The following LATS2 variants were observed in gnomAD, a reference collection of about 807,000 sequenced individuals.
The protein encoded by LATS2 is large tumor suppressor kinase 2, also known as serine/threonine-protein kinase LATS2.
Under a neutral mutation model 76.0 loss-of-function variants are expected in LATS2, and 24 were observed. The observed-to-expected ratio is 0.32, with a 90% CI of 0.23 to 0.44. The LOEUF is 0.44. Among genes scored for constraint, LATS2 ranks in the 20% least tolerant of loss-of-function variants. The pLI is 1.00. For missense variants in LATS2, 1,286 were observed against 1,481.2 expected, an observed-to-expected ratio of 0.87 and a Z score of 2.16; for synonymous variants, 692 against 635.4, an observed-to-expected ratio of 1.09 and a Z score of -1.34.
chr13:21,045,332 G>A (rs1228701065), intron 2 of LATS2, among the ~76,000 whole-genome samples: 1 of 151,850 alleles, frequency 6.6e-6, no homozygotes, highest in African/African-American at 2.4e-5. Context: ...CTCTTTCCAC[G>A]ATAGCTCAGA....
intron 2 of LATS2, among the ~76,000 whole-genome samples, chr13:21,034,157 A>G (rs1304102266): frequency 1.3e-5 from 2 of 152,220 alleles, no homozygotes; most frequent in African/African-American, 4.8e-5. Context: ...CTTTCTGGTC[A>G]GCGGGAAAAC....
In LATS2 at chr13:20,983,507, G is replaced by A. The variant is rs745587830; in HGVS notation, c.2199C>T (p.Tyr733=). ...ADNEWVVKLY[Y]SFQDKDSLYF... ...ACAGGCTGTCTTTGTCTTGGAAGGA[G>A]TAGTAGAGTTTGACCACCCACTCAT... is the stretch of plus-strand genomic sequence containing the variant. The change falls in exon 5 of 8, where the codon TAC becomes TAT. Residue 733 remains tyrosine, a synonymous_variant. Coordinates refer to ENST00000382592, the MANE Select transcript of LATS2 (RefSeq NM_014572.3). The A allele has an allele frequency of 2.5e-6, 4 of 1,614,152 alleles. No individual in the cohort carries two copies. The Admixed American group carries it at 6.7e-5, about 27-fold the overall frequency.
rs1013530293 is a variant in LATS2 at position 21,028,795 on chromosome 13, C to T, written c.342+16890G>A. ...ATGTTGGCCAGGATGATCTCGATCT[C>T]TTGACCTTGTGATCCACCCGCCTTG... is the stretch of plus-strand genomic sequence containing the variant. On this transcript the variant is annotated intron_variant, in intron 2 of 7. Coordinates refer to ENST00000382592, the MANE Select transcript of LATS2 (RefSeq NM_014572.3). Among the ~76,000 whole-genome samples the T allele has an allele frequency of 2.0e-5, 3 of 152,168 alleles. No homozygotes were observed. The East Asian group carries it at 5.8e-4, about 29-fold the overall frequency.
chr13:21,055,608 A>T (rs1241295411), intron 1 of LATS2, among the ~76,000 whole-genome samples: 2 of 152,210 alleles, frequency 1.3e-5, no homozygotes, highest in Non-Finnish European at 2.9e-5. Flanking sequence ...ATGCTATCAG[A>T]TGTTCAAGAA....
At chr13:21,007,721 TAG>T in intron 2 of LATS2, among the ~76,000 whole-genome samples, 1 of 9,532 alleles carries the variant, frequency 1.0e-4, no homozygotes, top group African/African-American at 5.0e-4. Context: ...TATATATATA[TAG>T]TATATATATA....
intron 2 of LATS2, among the ~76,000 whole-genome samples, chr13:20,994,832 G>A (rs184631685): frequency 7.1e-6 from 1 of 140,788 alleles, no homozygotes; most frequent in Non-Finnish European, 1.5e-5. Context: ...GGCAGGCTGG[G>A]CAACAAAGTA....
chr13:20,984,133 C>G (rs966374375), intron 4 of LATS2, among the ~76,000 whole-genome samples: 1 of 152,168 alleles, frequency 6.6e-6, no homozygotes, highest in South Asian at 2.1e-4. Flanking sequence ...AGCGTTTCAT[C>G]ATGTTGGCCA....
At chr13:20,995,442 G>A (rs993064680) in intron 2 of LATS2, among the ~76,000 whole-genome samples, 4 of 152,224 alleles carry the variant, frequency 2.6e-5, no homozygotes, top group Non-Finnish European at 5.9e-5. Flanking sequence ...CTGCCCCAAA[G>A]CAAGAGTTCA....
intron 2 of LATS2, among the ~76,000 whole-genome samples, chr13:21,039,315 G>A (rs1239355031): frequency 6.6e-6 from 1 of 152,118 alleles, no homozygotes; most frequent in East Asian, 1.9e-4. Context: ...CCTTTCAAGA[G>A]GAAGTGAGAA....
intron 2 of LATS2, among the ~76,000 whole-genome samples, chr13:21,021,277 A>G (rs1296670826): frequency 6.6e-6 from 1 of 152,086 alleles, no homozygotes; most frequent in Non-Finnish European, 1.5e-5. Context: ...GTTCAAGACC[A>G]GCCTGGCTAA....
At position 20,975,076 on chromosome 13, in the gene LATS2, C is replaced by T. The variant is rs1222011125; in HGVS notation, c.3061G>A (p.Ala1021Thr). 4 of 1,614,212 alleles carry T rather than the reference C, an allele frequency of 2.5e-6. No homozygotes were observed. Among genetic ancestry groups the T allele is most frequent in the Non-Finnish European group, 8.5e-7 (1 of 1,180,044 alleles). The change falls in exon 8 of 8, where the codon GCC becomes ACC. Residue 1021 changes from alanine to threonine, a missense_variant. This residue lies in a region of LATS2 where 210 missense variants were observed against 234.9 expected (regional missense o/e 0.89). Transcript: ENST00000382592. ...TTGGGCGAGGTGAGTGTGTCCCAGG[C>T]CTTGGTGCTACCTTCGCTGGCATCG... ...WNDASEGSTKAWDTLTSPNNK... is the reference protein window; with the variant it reads ...WNDASEGSTKTWDTLTSPNNK...
chr13:21,037,810 T>A (rs967785100), intron 2 of LATS2, among the ~76,000 whole-genome samples: 1 of 145,408 alleles, frequency 6.9e-6, no homozygotes, highest in African/African-American at 2.8e-5. Context: ...AGGGCCAGGG[T>A]GGTCAGGACC....
chr13:21,002,118 T>G (rs1871073443), intron 2 of LATS2, among the ~76,000 whole-genome samples: 1 of 151,632 alleles, frequency 6.6e-6, no homozygotes, highest in Non-Finnish European at 1.5e-5. Flanking sequence ...TTTCACCATG[T>G]TAGCTAAGAT....
intron 2 of LATS2, among the ~76,000 whole-genome samples, chr13:21,041,611 G>A (rs1280655188): frequency 1.3e-5 from 2 of 152,138 alleles, no homozygotes; most frequent in African/African-American, 4.8e-5. Flanking sequence ...AGATCAGAGG[G>A]AGGGTGGACA....
Position 20,973,971 on chromosome 13 carries a change from T to TGGGGGGGGG in LATS2, c.*898_*899insCCCCCCCCC. On this transcript the variant is annotated 3_prime_UTR_variant, in exon 8 of 8. Transcript: ENST00000382592. ...TTCAGTATATGACAAATGTTTCAGT[T>TGGGGGGGGG]CCCCCCCCCCAAAGAATCCAATCAC... 1.1e-5 allele frequency: 2 copies of TGGGGGGGGG among 186,228 alleles called. No individual in the cohort carries two copies. The highest frequency in any genetic ancestry group is 2.2e-4 in the South Asian group (1 of 4,456). The allele number at this position is 186,228 out of a possible 1,614,324, so 11.5% of individuals were successfully genotyped here.
chr13:21,030,551 T>C (rs1595246337), intron 2 of LATS2, among the ~76,000 whole-genome samples: 1 of 129,734 alleles, frequency 7.7e-6, no homozygotes, highest in East Asian at 2.2e-4. Flanking sequence ...ATCACACCAC[T>C]GCACTCCAGC....
At chr13:20,997,577 C>G (rs1046206700) in intron 2 of LATS2, among the ~76,000 whole-genome samples, 1 of 152,230 alleles carries the variant, frequency 6.6e-6, no homozygotes. Flanking sequence ...ATTTAATGAT[C>G]TTCTCTGCTG....
At chr13:20,981,345 C>T (rs1869866970) in intron 6 of LATS2, 121 bp downstream of exon 6, 2 of 895,742 alleles carry the variant, frequency 2.2e-6, no homozygotes, top group South Asian at 3.5e-5. Context: ...TTTCAGGCTT[C>T]TATGAGGACA....
chr13:21,027,921 A>T (rs972055747), intron 2 of LATS2, among the ~76,000 whole-genome samples: 24 of 151,894 alleles, frequency 1.6e-4, no homozygotes, highest in East Asian at 1.3e-3. Flanking sequence ...TTTATTTATT[A>T]ATTTTTTATT....
Sources: gnomAD v4.1 joint callset for allele counts (sites outside exome capture counted in the v4.1 genomes callset) on GRCh38, gnomAD v4.1.1 for gene constraint, gnomAD v4.1.1 regional missense constraint, MANE v1.5 for transcripts, NCBI Gene and HGNC (gene_info 2026-07-23, HGNC 2026-07-21) for gene names.